Variants in PIWIL1 observed in about 807,000 individuals in gnomAD.
PIWIL1 encodes piwi-like protein 1.
In PIWIL1, 73 loss-of-function variants were observed where a neutral mutation model predicts 114.4. The ratio of observed to expected loss-of-function variants is 0.64; its 90% CI spans 0.53 to 0.78. The LOEUF (loss-of-function observed/expected upper bound fraction) is 0.78, where lower values mean the gene tolerates loss of function less well. PIWIL1 is among the 30% of genes least tolerant of loss of function. The pLI is 0.00. For missense variants in PIWIL1, 723 were observed against 1,063.1 expected (o/e 0.68, Z 4.45); for synonymous variants, 375 against 369.0 (o/e 1.02, Z -0.19).
At position 130,361,318 on chromosome 12, in the gene PIWIL1, A is replaced by G. The variant is rs1391052982; in HGVS notation, c.1804A>G (p.Thr602Ala). Residue 602 changes from threonine to alanine, a missense_variant, in exon 15 of 21, where the codon ACA (threonine) becomes GCA (alanine). Transcript: ENST00000245255. The stretch of plus-strand genomic sequence containing the variant: ...ACAGCAAACTGTCATGGCCATTGCT[A>G]CAAAGATTGCCCTACAGATGAACTG... ...GKQQTVMAIA[T>A]KIALQMNCKM... The G allele has an allele frequency of 8.1e-6, 13 of 1,614,116 alleles. No homozygotes were observed.
chr12:130,352,446 A>C (rs2073237966), intron 9 of PIWIL1, among the ~76,000 whole-genome samples: 2 of 152,192 alleles, frequency 1.3e-5, no homozygotes, highest in Non-Finnish European at 2.9e-5. Context: ...TGGGAGGCCG[A>C]GGTGGGTGGA....
At chr12:130,370,826 G>A (rs549821145) in intron 19 of PIWIL1, among the ~76,000 whole-genome samples, 24 of 152,320 alleles carry the variant, frequency 1.6e-4, no homozygotes, top group African/African-American at 5.8e-4. Flanking sequence ...TCCAGAGTCT[G>A]AAGGCTCAGT....
chr12:130,395,776 T>G, the PIWIL1 span, among the ~76,000 whole-genome samples: 2 of 152,180 alleles, frequency 1.3e-5, no homozygotes, highest in South Asian at 4.1e-4. Context: ...TTAGGAAAAT[T>G]GTATGTATTT....
chr12:130,385,833 C>G, the PIWIL1 span, among the ~76,000 whole-genome samples: 1 of 152,166 alleles, frequency 6.6e-6, no homozygotes, highest in African/African-American at 2.4e-5. Flanking sequence ...AATGTTACTT[C>G]TCCTCCCTTC....
At chr12:130,400,114 T>C in the PIWIL1 span, among the ~76,000 whole-genome samples, 2 of 152,156 alleles carry the variant, frequency 1.3e-5, no homozygotes, top group Admixed American at 1.3e-4. Context: ...AAACACTCCT[T>C]GGCAGATCTC....
chr12:130,342,966 T>C (rs765412490), intron 2 of PIWIL1, 24 bp from the exon 3 acceptor site: 9 of 1,572,332 alleles, frequency 5.7e-6, no homozygotes, highest in Non-Finnish European at 7.9e-6. Flanking sequence ...GAAAAGAATG[T>C]TCTTTATTTG....
At chr12:130,349,655 T>A (rs79244030) in intron 8 of PIWIL1, among the ~76,000 whole-genome samples, 2 of 152,196 alleles carry the variant, frequency 1.3e-5, no homozygotes, top group African/African-American at 4.8e-5. Context: ...CCTTTTAAAT[T>A]ATTTTATTTT....
the PIWIL1 span, chr12:130,406,283 A>G: frequency 1.5e-6 from 2 of 1,352,822 alleles, no homozygotes; most frequent in African/African-American, 2.9e-5. Flanking sequence ...ATTTTTCTAC[A>G]CAACAGTAGT....
chr12:130,410,877 C>G, the PIWIL1 span, among the ~76,000 whole-genome samples: 156 of 152,302 alleles, frequency 1.0e-3, 2 homozygotes, highest in Middle Eastern at 0.014. Context: ...TTAGAATTAG[C>G]TTGTTGATTC....
At position 130,361,333 on chromosome 12, in the gene PIWIL1, C is replaced by T. The variant is rs2073502374; in HGVS notation, c.1819C>T (p.Gln607Ter). The T allele has an allele frequency of 1.2e-6, 2 of 1,614,112 alleles. No homozygotes were observed. Among genetic ancestry groups the T allele is most frequent in the Admixed American group, 1.7e-5 (1 of 60,008 alleles). The change falls in exon 15 of 21, where the codon CAG (glutamine) becomes TAG (stop). Residue 607 changes from glutamine to a stop codon, truncating the protein, a stop_gained. Coordinates refer to ENST00000245255, the MANE Select transcript of PIWIL1 (RefSeq NM_004764.5). LOFTEE classifies it high-confidence loss of function. ...GGCCATTGCTACAAAGATTGCCCTA[C>T]AGATGAACTGCAAGATGGGAGGAGA... is the stretch of plus-strand genomic sequence containing the variant. Reference protein sequence around the residue: ...VMAIATKIALQMNCKMGGELW... With the variant: ...VMAIATKIAL
Position 130,345,796 on chromosome 12 carries a change from G to A in PIWIL1, c.234G>A (p.Glu78=), listed in dbSNP as rs1389189246. ...GATTTCAGGAGTTATCGTTAGCAGA[G>A]AGAGGAGGTCGTCGTAGAGATTTTC... ...SAGFQELSLA[E]RGGRRRDFHD... The change falls in exon 4 of 21, where the codon GAG becomes GAA. Residue 78 remains glutamate, a synonymous_variant. Coordinates refer to ENST00000245255, the MANE Select transcript of PIWIL1 (RefSeq NM_004764.5). 6.2e-7 allele frequency: 1 copy of A among 1,613,914 alleles called. No individual in the cohort carries two copies. Among genetic ancestry groups the A allele is most frequent in the African/African-American group, 1.3e-5 (1 of 74,924 alleles).
intron 18 of PIWIL1, among the ~76,000 whole-genome samples, chr12:130,364,532 T>C (rs1265974429): frequency 6.6e-6 from 1 of 152,252 alleles, no homozygotes; most frequent in Non-Finnish European, 1.5e-5. Flanking sequence ...TTATCTTTTT[T>C]GAAATAGTTG....
chr12:130,343,291 G>A (rs1456358343), intron 3 of PIWIL1, among the ~76,000 whole-genome samples, 190 bp downstream of exon 3: 3 of 152,130 alleles, frequency 2.0e-5, no homozygotes, highest in Admixed American at 2.0e-4. Context: ...CTATGTATCA[G>A]TCTTCATTAA....
intron 19 of PIWIL1, among the ~76,000 whole-genome samples, chr12:130,370,416 A>G (rs1019738434): frequency 1.3e-5 from 2 of 152,244 alleles, no homozygotes; most frequent in African/African-American, 4.8e-5. Flanking sequence ...TAAACAATAC[A>G]GTAAAACAAC....
rs562377597 is a variant in PIWIL1, at chr12:130,361,380, C to T, written c.1866C>T (p.Pro622=). The part of the protein sequence containing the change: ...MGGELWRVDI[P]LKLVMIVGID... ...GAGAGCTCTGGAGGGTGGACATCCC[C>T]GTGAGTTTGATTTAATTGGTAGATG... The change falls in exon 15 of 21, where the codon CCC becomes CCT. Residue 622 remains proline, a splice_region_variant and synonymous_variant. Coordinates refer to ENST00000245255, the MANE Select transcript of PIWIL1 (RefSeq NM_004764.5). 10 of 1,613,900 alleles carry T rather than the reference C, an allele frequency of 6.2e-6. No homozygotes were observed. Among genetic ancestry groups the T allele is most frequent in the Admixed American group, 3.3e-5 (2 of 60,010 alleles).
chr12:130,341,072 A>G (rs953888639), intron 1 of PIWIL1, among the ~76,000 whole-genome samples: 5 of 152,216 alleles, frequency 3.3e-5, no homozygotes, highest in Admixed American at 3.3e-4. Context: ...GATGAAAAAG[A>G]TAATGTGATT....
At chr12:130,362,634 T>A in intron 16 of PIWIL1, 132 bp from the exon 17 acceptor site, 4 of 708,084 alleles carry the variant, frequency 5.6e-6, no homozygotes, top group Non-Finnish European at 9.7e-6. Context: ...TATTTGGAGA[T>A]GTTAACAGAT....
the PIWIL1 span, among the ~76,000 whole-genome samples, chr12:130,403,122 G>A: frequency 6.6e-5 from 10 of 152,258 alleles, no homozygotes; most frequent in East Asian, 9.6e-4. Flanking sequence ...ATTTGAATTC[G>A]CTCTCTCGAG....
At chr12:130,376,185 T>A (rs1250384164), downstream of PIWIL1, among the ~76,000 whole-genome samples, 1 of 152,204 alleles carries the variant, frequency 6.6e-6, no homozygotes, top group African/African-American at 2.4e-5. Flanking sequence ...ACAATGCTGC[T>A]CAGACTTCTT....
Sources: gnomAD v4.1 joint callset for allele counts (sites outside exome capture counted in the v4.1 genomes callset) on GRCh38, gnomAD v4.1.1 for gene constraint, MANE v1.5 for transcripts, NCBI Gene and HGNC (gene_info 2026-07-23, HGNC 2026-07-21) for gene names.